The following HS3ST3B1 variants were observed in gnomAD, a reference collection of about 807,000 sequenced individuals.
The protein encoded by HS3ST3B1 is heparan sulfate-glucosamine 3-sulfotransferase 3B1, also known as heparan sulfate glucosamine 3-O-sulfotransferase 3B1.
Under a neutral mutation model 21.3 loss-of-function variants are expected in HS3ST3B1, and 13 were observed. The observed-to-expected ratio is 0.61, with a 90% CI of 0.40 to 0.97. The LOEUF is 0.97. Among genes scored for constraint, HS3ST3B1 ranks in the 50% least tolerant of loss-of-function variants. HS3ST3B1 has a pLI of 0.00. For missense variants in HS3ST3B1, 459 were observed against 554.8 expected, an observed-to-expected ratio of 0.83 and a Z score of 1.73; for synonymous variants, 234 against 254.8, an observed-to-expected ratio of 0.92 and a Z score of 0.78.
chr17:14,315,453 T>C (rs1909467414), intron 1 of HS3ST3B1, among the ~76,000 whole-genome samples: 1 of 152,206 alleles, frequency 6.6e-6, no homozygotes, highest in East Asian at 1.9e-4. Context: ...GTTTTGCATG[T>C]ATCTCCTCCA....
rs1455092777 is a variant in HS3ST3B1, at chr17:14,348,208, A to AT, written c.*2568dup. Reference sequence around the variant, plus strand: ...CCCCGCCCTCTTTCCAAGCTGGACAATTTTTTATTAAGTTGTTTATTCCCT... The same window carrying AT: ...CCCCGCCCTCTTTCCAAGCTGGACAATTTTTTTATTAAGTTGTTTATTCCCT... On this transcript the variant is annotated 3_prime_UTR_variant, in exon 2 of 2. Coordinates refer to ENST00000360954, the MANE Select transcript of HS3ST3B1 (RefSeq NM_006041.3). 5 of 152,266 alleles carry AT rather than the reference A, an allele frequency of 3.3e-5. No individual in the cohort carries two copies. The East Asian group carries it at 5.8e-4, about 18-fold the overall frequency. The allele number at this position is 152,266 out of a possible 1,614,324, so 9.4% of individuals were successfully genotyped here.
rs574955625 is a variant in HS3ST3B1 at position 14,303,130 on chromosome 17, C to T, written c.554+1058C>T. Among the ~76,000 whole-genome samples, 12 of 152,198 alleles carry T rather than the reference C, an allele frequency of 7.9e-5. No homozygotes were observed. The highest frequency in any genetic ancestry group is 2.9e-4 in the African/African-American group (12 of 41,534). On this transcript the variant is annotated intron_variant, in intron 1 of 1. Transcript: ENST00000360954. This position sits in a 1 kb window ranked among gnomAD's most constrained non-coding sequence, Gnocchi z 5.7. ...AGTGGGCAGGAGGTCTAGATTTCGG[C>T]CTCCGATAACTGTCTTCGACTAGGG...
At chr17:14,308,269 A>C (rs1280907090) in intron 1 of HS3ST3B1, among the ~76,000 whole-genome samples, 3 of 152,210 alleles carry the variant, frequency 2.0e-5, no homozygotes, top group Admixed American at 6.5e-5. Flanking sequence ...ATAATAAATA[A>C]TTTTTATGGC....
At chr17:14,318,018 G>A (rs1205555280) in intron 1 of HS3ST3B1, among the ~76,000 whole-genome samples, 1 of 152,124 alleles carries the variant, frequency 6.6e-6, no homozygotes, top group Non-Finnish European at 1.5e-5. Flanking sequence ...GATGGTGTTT[G>A]CAAATATGGC....
intron 1 of HS3ST3B1, among the ~76,000 whole-genome samples, chr17:14,334,672 T>C (rs1266080898): frequency 2.0e-5 from 3 of 152,316 alleles, no homozygotes; most frequent in African/African-American, 7.2e-5. Context: ...CTGGTGGTGT[T>C]GCATAATCTA....
chr17:14,314,257 G>A (rs1235505114), intron 1 of HS3ST3B1, among the ~76,000 whole-genome samples: 3 of 152,236 alleles, frequency 2.0e-5, no homozygotes, highest in Non-Finnish European at 4.4e-5. Flanking sequence ...GGGATTACAG[G>A]CATGAGCCAC....
At chr17:14,322,213 G>A (rs928220793) in intron 1 of HS3ST3B1, among the ~76,000 whole-genome samples, 3 of 152,120 alleles carry the variant, frequency 2.0e-5, no homozygotes, top group African/African-American at 4.8e-5. Context: ...ATGTAGAGAA[G>A]TGGGATGAGC....
chr17:14,336,526 G>T (rs9891555), intron 1 of HS3ST3B1, among the ~76,000 whole-genome samples: 46,192 of 151,984 alleles, frequency 0.3, 7,355 homozygotes, highest in Middle Eastern at 0.35. Context: ...CAGCAAGAGT[G>T]GGGATGTTCA....
rs1029331783 is a variant in HS3ST3B1, at chr17:14,303,324, C to G, written c.554+1252C>G. On this transcript the variant is annotated intron_variant, in intron 1 of 1. Transcript: ENST00000360954. This position sits in a 1 kb window ranked among gnomAD's most constrained non-coding sequence, Gnocchi z 5.7. The stretch of plus-strand genomic sequence containing the variant: ...CCTCTCCCTGTGCCCACCCCACTGT[C>G]GGGACCTGGGTGGGTTGGAGAATAA... Among the ~76,000 whole-genome samples the G allele has an allele frequency of 1.3e-5, 2 of 152,058 alleles. No homozygotes were observed. Among genetic ancestry groups the G allele is most frequent in the African/African-American group, 4.8e-5 (2 of 41,430 alleles).
At chr17:14,343,528 T>TA (rs1910455297) in intron 1 of HS3ST3B1, among the ~76,000 whole-genome samples, 1 of 152,172 alleles carries the variant, frequency 6.6e-6, no homozygotes, top group Non-Finnish European at 1.5e-5. Context: ...ACCACCTTTT[T>TA]ACTCTTTTTC....
At chr17:14,310,644 A>T (rs1909276858) in intron 1 of HS3ST3B1, among the ~76,000 whole-genome samples, 1 of 152,122 alleles carries the variant, frequency 6.6e-6, no homozygotes, top group African/African-American at 2.4e-5. Context: ...GAGACCAGTA[A>T]TTCTCTTCCA....
intron 1 of HS3ST3B1, among the ~76,000 whole-genome samples, chr17:14,334,338 T>C (rs1910125059): frequency 6.6e-6 from 1 of 151,766 alleles, no homozygotes; most frequent in Non-Finnish European, 1.5e-5. Context: ...GAAGGGAAGG[T>C]ACAGATATTT....
intron 1 of HS3ST3B1, among the ~76,000 whole-genome samples, chr17:14,313,119 T>TAC (rs1909378200): frequency 6.8e-6 from 1 of 147,354 alleles, no homozygotes; most frequent in African/African-American, 2.6e-5. Flanking sequence ...TATATATATA[T>TAC]ATATGTGTGT....
At chr17:14,342,865 C>T (rs929238526) in intron 1 of HS3ST3B1, among the ~76,000 whole-genome samples, 2 of 152,044 alleles carry the variant, frequency 1.3e-5, no homozygotes, top group Non-Finnish European at 2.9e-5. Context: ...TAATTTTTTT[C>T]CTTTAAAAGA....
Position 14,301,364 on chromosome 17 carries a change from GAGC to G in HS3ST3B1, c.-142_-140del, listed in dbSNP as rs1215527812. 1.3e-4 allele frequency: 80 copies of G among 594,324 alleles called. No individual in the cohort carries two copies. Among genetic ancestry groups the G allele is most frequent in the South Asian group, 2.4e-4 (7 of 28,814 alleles). 36.8% of individuals were successfully genotyped at this position (594,324 alleles called of 1,614,324 possible). Reference sequence around the variant, plus strand: ...ACAGCTGCCGCCGCCACCTGGGGAAGAGCAGCAGCAGCAGCGGCGGCCGCGGGC... The same window carrying G: ...ACAGCTGCCGCCGCCACCTGGGGAAGAGCAGCAGCAGCGGCGGCCGCGGGC... On this transcript the variant is annotated 5_prime_UTR_variant, in exon 1 of 2. Coordinates refer to ENST00000360954, the MANE Select transcript of HS3ST3B1 (RefSeq NM_006041.3).
At chr17:14,322,575 C>T (rs368869697) in intron 1 of HS3ST3B1, among the ~76,000 whole-genome samples, 3 of 152,186 alleles carry the variant, frequency 2.0e-5, no homozygotes, top group African/African-American at 2.4e-5. Flanking sequence ...AAAACTGTGC[C>T]GACTCATCAT....
At chr17:14,312,229 G>A (rs1259559352) in intron 1 of HS3ST3B1, among the ~76,000 whole-genome samples, 2 of 152,070 alleles carry the variant, frequency 1.3e-5, no homozygotes, top group Non-Finnish European at 2.9e-5. Flanking sequence ...GGGAGGAAAC[G>A]GAAACTCACA....
rs2142359833 is a variant in HS3ST3B1, at chr17:14,347,911, T to A, written c.*2265T>A. 1 of 152,342 alleles carries A rather than the reference T, an allele frequency of 6.6e-6. No individual in the cohort carries two copies. Among genetic ancestry groups the A allele is most frequent in the African/African-American group, 2.4e-5 (1 of 41,586 alleles). 9.4% of individuals were successfully genotyped at this position (152,342 alleles called of 1,614,324 possible). The stretch of plus-strand genomic sequence containing the variant: ...TGGTTCTGCCTTCTTGATGAGTGAT[T>A]GTGAAAAACACCTGCATAAGGGTGC... On this transcript the variant is annotated 3_prime_UTR_variant, in exon 2 of 2. Coordinates refer to ENST00000360954, the MANE Select transcript of HS3ST3B1 (RefSeq NM_006041.3).
At chr17:14,317,271 G>T (rs1418945220) in intron 1 of HS3ST3B1, among the ~76,000 whole-genome samples, 1 of 152,182 alleles carries the variant, frequency 6.6e-6, no homozygotes, top group Non-Finnish European at 1.5e-5. Context: ...TATGACCAGA[G>T]CATCTAGATG....
Sources: gnomAD v4.1 joint callset for allele counts (sites outside exome capture counted in the v4.1 genomes callset) on GRCh38, gnomAD v4.1.1 for gene constraint, Gnocchi (gnomAD v3.1) non-coding constraint, MANE v1.5 for transcripts, NCBI Gene and HGNC (gene_info 2026-07-23, HGNC 2026-07-21) for gene names.